The following LAMA3 variants were observed in gnomAD, a reference collection of about 807,000 sequenced individuals.
The protein encoded by LAMA3 is laminin subunit alpha 3.
A neutral mutation model predicts 402.0 loss-of-function variants in LAMA3; 281 were observed. The ratio of observed to expected loss-of-function variants is 0.70; its 90% CI spans 0.63 to 0.77. LAMA3 has a LOEUF of 0.77. Ranked by LOEUF, LAMA3 falls within the 30% of genes least tolerant of loss-of-function variation. LAMA3 has a pLI of 0.00. For synonymous variants in LAMA3, 1,431 were observed against 1,558.4 expected (o/e 0.92, Z 1.93); for missense variants, 3,840 against 4,215.5 (o/e 0.91, Z 2.47).
At chr18:23,767,410 A>C (rs2143794743) in intron 8 of LAMA3, among the ~76,000 whole-genome samples, 1 of 152,310 alleles carries the variant, frequency 6.6e-6, no homozygotes, top group East Asian at 1.9e-4. Flanking sequence ...TAGCCAAAGC[A>C]GCCCTAGGCA....
intron 40 of LAMA3, among the ~76,000 whole-genome samples, chr18:23,883,734 A>G (rs889503323): frequency 6.6e-6 from 1 of 152,244 alleles, no homozygotes; most frequent in African/African-American, 2.4e-5. Context: ...TGGCAAAAGT[A>G]GAAAGCAGCG....
intron 18 of LAMA3, among the ~76,000 whole-genome samples, chr18:23,816,703 T>C (rs754926140): frequency 6.6e-6 from 1 of 152,112 alleles, no homozygotes; most frequent in Non-Finnish European, 1.5e-5. Flanking sequence ...GTGTAGACCA[T>C]GAAGTACTTT....
chr18:23,877,274 A>T (rs940761237), intron 39 of LAMA3, among the ~76,000 whole-genome samples: 1 of 152,188 alleles, frequency 6.6e-6, no homozygotes, highest in African/African-American at 2.4e-5. Flanking sequence ...CTGGAACATG[A>T]TCTTATTTTG....
At position 23,701,191 on chromosome 18, in the gene LAMA3, ACT is replaced by A. The variant is rs778474578; in HGVS notation, c.294+11218_294+11219del. Among the ~76,000 whole-genome samples the A allele has an allele frequency of 2.0e-4, 31 of 152,260 alleles. 1 individual carries two copies. In the East Asian group the frequency reaches 3.7e-3, roughly 18 times the overall value. ...GAAATATATTGTGACCAAAAGAATA[ACT>A]CTCACTTCCTTTTTCCTCTCTGATT... On this transcript the variant is annotated intron_variant, in intron 1 of 74. Coordinates refer to ENST00000313654, the MANE Select transcript of LAMA3 (RefSeq NM_198129.4).
At chr18:23,919,389 C>T (rs554287003) in intron 60 of LAMA3, among the ~76,000 whole-genome samples, 1 of 152,262 alleles carries the variant, frequency 6.6e-6, no homozygotes, top group East Asian at 1.9e-4. Flanking sequence ...TGTTTCACAC[C>T]GTAATGGAGA....
intron 37 of LAMA3, 133 bp downstream of exon 37, chr18:23,868,050 G>A: frequency 2.6e-6 from 2 of 755,764 alleles, no homozygotes; most frequent in South Asian, 1.6e-5. Flanking sequence ...ATATATACAG[G>A]TTGAGCATCC....
intron 59 of LAMA3, among the ~76,000 whole-genome samples, chr18:23,915,683 C>T (rs535866186): frequency 6.6e-6 from 1 of 151,980 alleles, no homozygotes; most frequent in Non-Finnish European, 1.5e-5. Flanking sequence ...TTTGTGCCTC[C>T]TACCACAAAA....
In LAMA3 at chr18:23,890,030, GGGAATCCCCAGAAATTC is replaced by G. The variant is rs1475286909; in HGVS notation, c.5327_5343del (p.Asn1776ArgfsTer2). On this transcript the variant is annotated frameshift_variant, in exon 42 of 75. Transcript: ENST00000313654. LOFTEE classifies it high-confidence loss of function. ...GTGTAGGTGTGCACCGGGATATTTC[GGGAATCCCCAGAAATTC>G]GGAGGTAGCTGCCAACCATGCAGTT... 6.2e-7 allele frequency: 1 copy of G among 1,613,500 alleles called. No homozygotes were observed. Among genetic ancestry groups the G allele is most frequent in the Non-Finnish European group, 8.5e-7 (1 of 1,179,550 alleles).
At chr18:23,773,727 A>G (rs564648952) in intron 9 of LAMA3, 140 bp downstream of exon 9, 1 of 688,700 alleles carries the variant, frequency 1.5e-6, no homozygotes, top group African/African-American at 1.8e-5. Flanking sequence ...ATGTGACCTC[A>G]GTCACTTACA....
chr18:23,933,191 T>C (rs979809517), intron 66 of LAMA3, among the ~76,000 whole-genome samples: 15 of 152,246 alleles, frequency 9.9e-5, no homozygotes, highest in African/African-American at 2.9e-4. Context: ...CTTCTCCCTC[T>C]GTGCATATTT....
At chr18:23,780,845 T>C (rs531087146) in intron 11 of LAMA3, among the ~76,000 whole-genome samples, 3 of 152,186 alleles carry the variant, frequency 2.0e-5, no homozygotes, top group Non-Finnish European at 2.9e-5. Flanking sequence ...CCTGCAGGCA[T>C]TGGGTCACTG....
chr18:23,940,977 C>G (rs1211390493), intron 68 of LAMA3, among the ~76,000 whole-genome samples: 1 of 148,292 alleles, frequency 6.7e-6, no homozygotes, highest in African/African-American at 2.5e-5. Flanking sequence ...CACTCTGTCA[C>G]CCAGGCTGGA....
Position 23,889,879 on chromosome 18 carries a change from C to A in LAMA3, c.5304-132C>A, listed in dbSNP as rs556404508. 31 of 772,256 alleles carry A rather than the reference C, an allele frequency of 4.0e-5. No homozygotes were observed. In the East Asian group the frequency reaches 7.5e-4, roughly 19 times the overall value. The allele number at this position is 772,256 out of a possible 1,614,324, so 47.8% of individuals were successfully genotyped here. On this transcript the variant is annotated intron_variant, in intron 41 of 74. Transcript: ENST00000313654. ...ACCTCTGTATTGAGAAATATTCATT[C>A]TTGCAGATCTATGTCGGTCTTCCAC...
rs1599055320 is a variant in LAMA3, at chr18:23,905,273, G to A, written c.6616-249G>A. Among the ~76,000 whole-genome samples, 3 of 152,138 alleles carry A rather than the reference G, an allele frequency of 2.0e-5. 1 individual carries two copies. In the South Asian group the frequency reaches 6.2e-4, roughly 32 times the overall value. On this transcript the variant is annotated intron_variant, in intron 51 of 74. Transcript: ENST00000313654. Reference sequence around the variant, plus strand: ...GTTTTTGTACGAATGACAGTGAGCAGCTAAAACAAGTGTCACATAATTTGT... The same window carrying A: ...GTTTTTGTACGAATGACAGTGAGCAACTAAAACAAGTGTCACATAATTTGT...
At chr18:23,762,853 T>TAC (rs1171890314) in intron 7 of LAMA3, among the ~76,000 whole-genome samples, 6 of 123,268 alleles carry the variant, frequency 4.9e-5, no homozygotes, top group Non-Finnish European at 7.9e-5. Flanking sequence ...AAGTAGTATA[T>TAC]ATATATATTT....
intron 23 of LAMA3, among the ~76,000 whole-genome samples, chr18:23,828,107 T>A (rs1190728787): frequency 1.3e-5 from 2 of 152,188 alleles, no homozygotes; most frequent in Non-Finnish European, 2.9e-5. Context: ...CACTTCAAAA[T>A]GAAGACACTG....
Position 23,923,326 on chromosome 18 carries a change from A to G in LAMA3, c.8177+1741A>G, listed in dbSNP as rs1599109043. 2.0e-5 allele frequency among the ~76,000 whole-genome samples: 3 copies of G among 152,248 alleles called. No individual in the cohort carries two copies. In the East Asian group the frequency reaches 5.8e-4, roughly 29 times the overall value. On this transcript the variant is annotated intron_variant, in intron 62 of 74. Coordinates refer to ENST00000313654, the MANE Select transcript of LAMA3 (RefSeq NM_198129.4). ...AGAGAAGAAAAGGGCAGAGGCAGGTAGAGTGGCTGGAGGCCGAGTATATTA... is the reference window on the plus strand; with the variant it reads ...AGAGAAGAAAAGGGCAGAGGCAGGTGGAGTGGCTGGAGGCCGAGTATATTA...
At chr18:23,841,804 C>T (rs898298415) in intron 27 of LAMA3, among the ~76,000 whole-genome samples, 3 of 152,010 alleles carry the variant, frequency 2.0e-5, no homozygotes, top group African/African-American at 7.2e-5. Context: ...TACTTGTAGT[C>T]GTAGCTACTT....
chr18:23,813,553 C>CTTTTTTTTTT (rs1164123647), intron 14 of LAMA3, among the ~76,000 whole-genome samples: 438 of 114,976 alleles, frequency 3.8e-3, no homozygotes, highest in Non-Finnish European at 5.0e-3. Flanking sequence ...TCTTTTCTTT[C>CTTTTTTTTTT]TTTTTTTTTT....
Sources: gnomAD v4.1 joint callset for allele counts (sites outside exome capture counted in the v4.1 genomes callset) on GRCh38, gnomAD v4.1.1 for gene constraint, MANE v1.5 for transcripts, NCBI Gene and HGNC (gene_info 2026-07-23, HGNC 2026-07-21) for gene names.